ATP13A1: variants seen among roughly 807,000 people sequenced by gnomAD.
The protein encoded by ATP13A1 is ATPase 13A1, also known as endoplasmic reticulum transmembrane helix translocase.
A neutral mutation model predicts 134.8 loss-of-function variants in ATP13A1; 55 were observed. That is an observed-to-expected ratio of 0.41 (90% CI 0.33 to 0.51). The LOEUF (loss-of-function observed/expected upper bound fraction) is 0.51, where lower values mean the gene tolerates loss of function less well. Ranked by LOEUF, ATP13A1 falls within the 20% of genes least tolerant of loss-of-function variation. The pLI is 0.29. For missense variants in ATP13A1, 1,389 were observed against 1,652.8 expected, an observed-to-expected ratio of 0.84 and a Z score of 2.77; for synonymous variants, 775 against 725.1, an observed-to-expected ratio of 1.07 and a Z score of -1.10.
Position 19,653,877 on chromosome 19 carries a change from G to C in ATP13A1, c.2007C>G (p.Pro669=), listed in dbSNP as rs747282405. The part of the protein sequence containing the change: ...TLHSMFSQCP[P]DYHHIHTEIS... ...TCTCGGTGTGGATGTGGTGGTAGTC[G>C]GGCGGGCACTGGGAGAACTGCAGGG... Residue 669 remains proline (P), a synonymous_variant, in exon 15 of 26, where the codon CCC becomes CCG. Coordinates refer to ENST00000357324, the MANE Select transcript of ATP13A1 (RefSeq NM_020410.3). This position sits in a 1 kb window ranked among gnomAD's most constrained non-coding sequence, Gnocchi z 4.2. 48 of 1,565,528 alleles carry C rather than the reference G, an allele frequency of 3.1e-5. No individual in the cohort carries two copies. The highest frequency in any genetic ancestry group is 3.9e-5 in the Non-Finnish European group (45 of 1,156,350).
intron 1 of ATP13A1, chr19:19,662,171 G>T: frequency 6.4e-7 from 1 of 1,550,862 alleles, no homozygotes; most frequent in Non-Finnish European, 8.7e-7. Flanking sequence ...AAAGGCAGCT[G>T]AAGTTTGAGC....
Position 19,663,541 on chromosome 19 carries a change from G to A in ATP13A1, c.126C>T (p.Leu42=), listed in dbSNP as rs1225409062. The A allele has an allele frequency of 2.0e-6, 3 of 1,523,550 alleles. No individual in the cohort carries two copies. Among genetic ancestry groups the A allele is most frequent in the African/African-American group, 2.8e-5 (2 of 71,048 alleles). 94.4% of individuals were successfully genotyped at this position (1,523,550 alleles called of 1,614,324 possible). A position where few individuals can be genotyped will look rare whatever the true frequency, so the allele number is the denominator to read the frequency against. ...CCACCAGCTCGTCACCGTTCGCTAT[G>A]AGCGCCGGCCCGGCGGCAAGGAGCG... ...PRALLAAGPA[L]IANGDELVAA... The change falls in exon 1 of 26, where the codon CTC becomes CTT. Residue 42 remains leucine, a synonymous_variant. Transcript: ENST00000357324.
At position 19,653,961 on chromosome 19, in the gene ATP13A1, C is replaced by T. The variant is rs957056814; in HGVS notation, c.1989+8G>A. 42 of 1,589,470 alleles carry T rather than the reference C, an allele frequency of 2.6e-5. No individual in the cohort carries two copies. The highest frequency in any genetic ancestry group is 3.5e-5 in the Non-Finnish European group (41 of 1,168,598). On this transcript the variant is annotated splice_region_variant and intron_variant, in intron 14 of 25. Coordinates refer to ENST00000357324, the MANE Select transcript of ATP13A1 (RefSeq NM_020410.3). The surrounding 1 kb of genome is among the most constrained non-coding windows in gnomAD (Gnocchi z 4.2). ...CCCACCCCTTGCCCCAGGCTGGGGCCAGCTCACCATGGAGTGCAGAGTTTC... is the reference window on the plus strand; with the variant it reads ...CCCACCCCTTGCCCCAGGCTGGGGCTAGCTCACCATGGAGTGCAGAGTTTC...
chr19:19,660,910 C>T (rs1388385223), intron 1 of ATP13A1, among the ~76,000 whole-genome samples: 1 of 151,188 alleles, frequency 6.6e-6, no homozygotes, highest in Non-Finnish European at 1.5e-5. Context: ...GAAACCCCGT[C>T]TCTACTAAAA....
intron 13 of ATP13A1, 30 bp from the exon 14 acceptor site, chr19:19,654,174 G>A: frequency 5.8e-6 from 9 of 1,557,164 alleles, no homozygotes; most frequent in Admixed American, 1.9e-5. Flanking sequence ...AGTCCTGAGG[G>A]GCTTTGCTCC....
At position 19,649,904 on chromosome 19, in the gene ATP13A1, A is replaced by T. The variant is rs1431190777; in HGVS notation, c.2372T>A (p.Ile791Asn). The T allele has an allele frequency of 1.9e-6, 3 of 1,598,846 alleles. No individual in the cohort carries two copies. In the African/African-American group the frequency reaches 4.0e-5, roughly 21 times the overall value. The change falls in exon 18 of 26, where the codon ATC (isoleucine) becomes AAC (asparagine). Residue 791 changes from isoleucine (I) to asparagine (N), a missense_variant. Transcript: ENST00000357324. ...QCEWRSIDGS[I>N]VLPLARGSPK... ...GGAGCCCCGGGCCAGGGGCAGCACGATGCTGCCGTCAATGGAGCGCCACTC... is the reference window on the plus strand; with the variant it reads ...GGAGCCCCGGGCCAGGGGCAGCACGTTGCTGCCGTCAATGGAGCGCCACTC...
intron 3 of ATP13A1, 102 bp from the exon 4 acceptor site, chr19:19,657,510 G>T: frequency 8.3e-7 from 1 of 1,207,226 alleles, no homozygotes; most frequent in Non-Finnish European, 1.1e-6. Flanking sequence ...CCGCTCTCAA[G>T]AAACCAAGAG....
intron 3 of ATP13A1, among the ~76,000 whole-genome samples, chr19:19,658,142 C>A (rs923815851): frequency 8.0e-6 from 1 of 125,272 alleles, no homozygotes; most frequent in African/African-American, 3.2e-5. Flanking sequence ...GAGTAAGACC[C>A]TGTCTCCAAA....
chr19:19,659,566 AAGGCAAAGGTGCTAC>A lies in ATP13A1; in HGVS notation c.677+20_677+34del. ...TGAATCAGGAGGGGAGCAGGACAGAAAGGCAAAGGTGCTACAGGCAAATCAAGGACTCACTTGTTG... is the reference window on the plus strand; with the variant it reads ...TGAATCAGGAGGGGAGCAGGACAGAAAGGCAAATCAAGGACTCACTTGTTG... On this transcript the variant is annotated intron_variant, in intron 3 of 25. Coordinates refer to ENST00000357324, the MANE Select transcript of ATP13A1 (RefSeq NM_020410.3). 6.3e-7 allele frequency: 1 copy of A among 1,587,218 alleles called. No homozygotes were observed. The highest frequency in any genetic ancestry group is 1.3e-5 in the African/African-American group (1 of 74,370).
chr19:19,658,199 C>T (rs1181861411), intron 3 of ATP13A1, among the ~76,000 whole-genome samples: 1 of 150,006 alleles, frequency 6.7e-6, no homozygotes, highest in Non-Finnish European at 1.5e-5. Context: ...GGACTTGGGC[C>T]TAAGGGTGTG....
At chr19:19,658,634 A>G (rs1294866527) in intron 3 of ATP13A1, among the ~76,000 whole-genome samples, 2 of 152,156 alleles carry the variant, frequency 1.3e-5, no homozygotes, top group Non-Finnish European at 2.9e-5. Context: ...TGGGGTTTGG[A>G]GCCCAGTTCT....
chr19:19,653,040 AG>A lies in ATP13A1; in HGVS notation c.2101-321del. On this transcript the variant is annotated intron_variant, in intron 15 of 25. Coordinates refer to ENST00000357324, the MANE Select transcript of ATP13A1 (RefSeq NM_020410.3). The surrounding 1 kb of genome is among the most constrained non-coding windows in gnomAD (Gnocchi z 4.2). ...GTAGGGACTCTCCCAATAATGTTGGAGTTTAGCCAGGAACTCTTACTCACTG... is the reference window on the plus strand; with the variant it reads ...GTAGGGACTCTCCCAATAATGTTGGATTTAGCCAGGAACTCTTACTCACTG... The A allele has an allele frequency of 3.2e-6, 1 of 316,422 alleles. No homozygotes were observed. Among genetic ancestry groups the A allele is most frequent in the South Asian group, 4.0e-5 (1 of 25,038 alleles). The allele number at this position is 316,422 out of a possible 1,614,324, so 19.6% of individuals were successfully genotyped here.
At chr19:19,657,788 C>G (rs555773047) in intron 3 of ATP13A1, among the ~76,000 whole-genome samples, 3 of 152,142 alleles carry the variant, frequency 2.0e-5, no homozygotes, top group Non-Finnish European at 2.9e-5. Flanking sequence ...CCTGAAGCTA[C>G]AGACAGCAGA....
At position 19,655,276 on chromosome 19, in the gene ATP13A1, C is replaced by A. The variant is rs2062050025; in HGVS notation, c.1535-37G>T. 3 of 1,613,950 alleles carry A rather than the reference C, an allele frequency of 1.9e-6. No homozygotes were observed. ...AGTGAGGTCAGGGGTCCTGCTTGGC[C>A]CCAGCCCACTCGGCACCCCATCCCA... On this transcript the variant is annotated intron_variant, in intron 11 of 25. Transcript: ENST00000357324. The surrounding 1 kb of genome is among the most constrained non-coding windows in gnomAD (Gnocchi z 5.7).
intron 3 of ATP13A1, among the ~76,000 whole-genome samples, chr19:19,659,332 T>C (rs2062079827): frequency 6.6e-6 from 1 of 152,118 alleles, no homozygotes; most frequent in African/African-American, 2.4e-5. Context: ...GGGGGGAGCC[T>C]GTATTCCCAG....
chr19:19,648,990 C>T (rs2062006385), intron 19 of ATP13A1, among the ~76,000 whole-genome samples: 1 of 151,790 alleles, frequency 6.6e-6, no homozygotes, highest in African/African-American at 2.4e-5. Context: ...GGCATGGTGG[C>T]ACGTGCCTGT....
chr19:19,646,856 T>C (rs2144896066), intron 22 of ATP13A1: 2 of 507,538 alleles, frequency 3.9e-6, no homozygotes, highest in East Asian at 3.4e-5. Flanking sequence ...TTTTACCCTC[T>C]TGATGATTGT....
rs1242191145 is a variant in ATP13A1 at position 19,646,036 on chromosome 19, ACACT to A, written c.3249-55_3249-52del. On this transcript the variant is annotated intron_variant, in intron 23 of 25. Coordinates refer to ENST00000357324, the MANE Select transcript of ATP13A1 (RefSeq NM_020410.3). Reference sequence around the variant, plus strand: ...CCCCCTCTCCTGCTCCGGCTCACACACACTGTGTGGCTTCCTGCTGCCCTGGCAC... The same window carrying A: ...CCCCCTCTCCTGCTCCGGCTCACACAGTGTGGCTTCCTGCTGCCCTGGCAC... 10 of 1,603,012 alleles carry A rather than the reference ACACT, an allele frequency of 6.2e-6. No homozygotes were observed. In the African/African-American group the frequency reaches 1.3e-4, roughly 21 times the overall value.
chr19:19,651,992 T>C (rs1197948138), intron 16 of ATP13A1, among the ~76,000 whole-genome samples, 195 bp from the exon 17 acceptor site: 2 of 151,988 alleles, frequency 1.3e-5, no homozygotes, highest in African/African-American at 2.4e-5. Context: ...CACGTGTATG[T>C]GCGTCCTTCT....
Sources: allele counts gnomAD v4.1 joint callset (sites outside exome capture counted in the v4.1 genomes callset), GRCh38; gene constraint gnomAD v4.1.1; non-coding constraint Gnocchi (gnomAD v3.1); transcripts MANE v1.5; gene names NCBI Gene and HGNC (gene_info 2026-07-23, HGNC 2026-07-21).